The following NDUFS5 variants were observed in gnomAD, a reference collection of about 807,000 sequenced individuals.
NDUFS5 encodes NADH:ubiquinone oxidoreductase subunit S5.
A neutral mutation model predicts 10.5 loss-of-function variants in NDUFS5; 7 were observed. The ratio of observed to expected loss-of-function variants is 0.66; its 90% CI spans 0.38 to 1.25. The LOEUF (loss-of-function observed/expected upper bound fraction) is 1.25, where lower values mean the gene tolerates loss of function less well. Ranked by LOEUF, NDUFS5 falls within the 50% of genes most tolerant of loss-of-function variation. The pLI is 0.02. For synonymous variants in NDUFS5, 38 were observed against 44.0 expected (o/e 0.86, Z 0.54); for missense variants, 148 against 140.7 (o/e 1.05, Z -0.26).
intron 2 of NDUFS5, among the ~76,000 whole-genome samples, chr1:39,030,407 G>GAA (rs35007555): frequency 7.5e-6 from 1 of 133,826 alleles, no homozygotes; most frequent in East Asian, 2.3e-4. Context: ...TCCGTCTCAA[G>GAA]AAAAAAAAAA....
intron 1 of NDUFS5, among the ~76,000 whole-genome samples, chr1:39,027,341 G>A (rs1644156663): frequency 6.6e-6 from 1 of 152,142 alleles, no homozygotes; most frequent in Non-Finnish European, 1.5e-5. Context: ...CAAGGTGCTG[G>A]AATTACAGGC....
chr1:39,030,407 G>GA (rs35007555), intron 2 of NDUFS5, among the ~76,000 whole-genome samples: 35 of 133,808 alleles, frequency 2.6e-4, no homozygotes, highest in East Asian at 6.9e-4. Flanking sequence ...TCCGTCTCAA[G>GA]AAAAAAAAAA....
chr1:39,031,790 G>A (rs1644191973), intron 2 of NDUFS5, among the ~76,000 whole-genome samples: 1 of 152,166 alleles, frequency 6.6e-6, no homozygotes, highest in Admixed American at 6.6e-5. Context: ...AGAAGCTAGT[G>A]AGTCAGAATT....
In NDUFS5 at chr1:39,028,728, C is replaced by T. The variant is rs756434054; in HGVS notation, c.4C>T (p.Pro2Ser). 6.2e-7 allele frequency: 1 copy of T among 1,613,864 alleles called. No homozygotes were observed. The highest frequency in any genetic ancestry group is 8.5e-7 in the Non-Finnish European group (1 of 1,179,880). Residue 2 changes from proline (P) to serine (S), a missense_variant, in exon 2 of 3, where the codon CCT becomes TCT. Pro to Ser is a moderately conservative substitution (Grantham distance 74, BLOSUM62 -1). Transcript: ENST00000372969. Reference protein sequence around the residue: MPFLDIQKRFGL... With the variant: MSFLDIQKRFGL... Reference sequence around the variant, plus strand: ...TTTTAAATCTTCCATTACAGCCATGCCTTTCTTGGACATCCAGAAAAGGTT... The same window carrying T: ...TTTTAAATCTTCCATTACAGCCATGTCTTTCTTGGACATCCAGAAAAGGTT...
intron 2 of NDUFS5, among the ~76,000 whole-genome samples, chr1:39,030,722 G>A (rs200968415): frequency 7.8e-5 from 11 of 141,380 alleles, no homozygotes; most frequent in Admixed American, 2.2e-4. Context: ...TCTGTCTCAA[G>A]AAAAAAAAAA....
chr1:39,029,910 G>A (rs1644178012), intron 2 of NDUFS5, among the ~76,000 whole-genome samples: 2 of 152,024 alleles, frequency 1.3e-5, no homozygotes. Flanking sequence ...GGCCAAGATG[G>A]TGAAACCCTG....
At position 39,028,826 on chromosome 1, in the gene NDUFS5, TG is replaced by T; in HGVS notation, c.103del (p.Ala35LeufsTer7). ...CCTACAAGATGGCTGGTCGATGCCA[TG>T]CTTTTGAAAAAGAATGGATAGAATG... is the stretch of plus-strand genomic sequence containing the variant. ...QPYKMAGRCH[A>X]FEKEWIECAH... On this transcript the variant is annotated frameshift_variant, in exon 2 of 3. Transcript: ENST00000372969. LOFTEE classifies it high-confidence loss of function. 2 of 1,614,142 alleles carry T rather than the reference TG, an allele frequency of 1.2e-6. No homozygotes were observed. Among genetic ancestry groups the T allele is most frequent in the Non-Finnish European group, 1.7e-6 (2 of 1,180,024 alleles).
chr1:39,034,415 G>A lies in NDUFS5; in HGVS notation c.240G>A (p.Arg80=), dbSNP rs772194994. ...AGATGAGACGTGCAGGTACCATCAGGAAGCAGCGGGATAAGCTGATAAAGG... is the reference window on the plus strand; with the variant it reads ...AGATGAGACGTGCAGGTACCATCAGAAAGCAGCGGGATAAGCTGATAAAGG... ...QKTMRRAGTI[R]KQRDKLIKEG... is the part of the protein sequence containing the mutation. The change falls in exon 3 of 3, where the codon AGG becomes AGA. Residue 80 remains arginine (R), a synonymous_variant. Transcript: ENST00000372969. 5 of 1,613,386 alleles carry A rather than the reference G, an allele frequency of 3.1e-6. No individual in the cohort carries two copies. The East Asian group carries it at 1.1e-4, about 36-fold the overall frequency.
chr1:39,029,260 T>C (rs1204677498), intron 2 of NDUFS5, among the ~76,000 whole-genome samples: 1 of 152,122 alleles, frequency 6.6e-6, no homozygotes, highest in Non-Finnish European at 1.5e-5. Flanking sequence ...CCCAAAGTAG[T>C]GGGATCACAG....
rs1644214227 is a variant in NDUFS5, at chr1:39,034,408, C to T, written c.233C>T (p.Thr78Ile). 1 of 1,613,274 alleles carries T rather than the reference C, an allele frequency of 6.2e-7. No homozygotes were observed. Among genetic ancestry groups the T allele is most frequent in the Non-Finnish European group, 8.5e-7 (1 of 1,179,512 alleles). ...CTTTGACAGATGAGACGTGCAGGTA[C>T]CATCAGGAAGCAGCGGGATAAGCTG... ...LRQKTMRRAG[T>I]IRKQRDKLIK... Residue 78 changes from threonine to isoleucine, a missense_variant, in exon 3 of 3, where the codon ACC becomes ATC. Coordinates refer to ENST00000372969, the MANE Select transcript of NDUFS5 (RefSeq NM_004552.3).
At chr1:39,028,285 A>T (rs1394755989) in intron 1 of NDUFS5, among the ~76,000 whole-genome samples, 1 of 151,892 alleles carries the variant, frequency 6.6e-6, no homozygotes, top group African/African-American at 2.4e-5. Context: ...TACAAAAATT[A>T]GCTGGGCGTG....
chr1:39,027,407 A>G (rs1338766437), intron 1 of NDUFS5, among the ~76,000 whole-genome samples: 1 of 152,070 alleles, frequency 6.6e-6, no homozygotes, highest in Non-Finnish European at 1.5e-5. Context: ...GTACACATTT[A>G]TATTGATATT....
In NDUFS5 at chr1:39,034,470, A is replaced by C; in HGVS notation, c.295A>C (p.Ile99Leu). Reference sequence around the variant, plus strand: ...AAAGTACACCCCTCCACCTCACCACATTGGCAAGGGGGAGCCTCGGCCCTG... The same window carrying C: ...AAAGTACACCCCTCCACCTCACCACCTTGGCAAGGGGGAGCCTCGGCCCTG... The part of the protein sequence containing the change: ...EGKYTPPPHH[I>L]GKGEPRP Residue 99 changes from isoleucine (I) to leucine (L), a missense_variant, in exon 3 of 3, where the codon ATT becomes CTT. Transcript: ENST00000372969. The C allele has an allele frequency of 6.2e-7, 1 of 1,613,416 alleles. No homozygotes were observed. The highest frequency in any genetic ancestry group is 8.5e-7 in the Non-Finnish European group (1 of 1,179,596).
chr1:39,030,092 A>G (rs1477049386), intron 2 of NDUFS5, among the ~76,000 whole-genome samples: 2 of 148,402 alleles, frequency 1.3e-5, no homozygotes, highest in Admixed American at 1.3e-4. Context: ...CTCTGCCTCT[A>G]AAAAAAAAAC....
chr1:39,034,606 C>T lies in NDUFS5; in HGVS notation c.*110C>T, dbSNP rs1644216274. 1.2e-6 allele frequency: 1 copy of T among 858,038 alleles called. No homozygotes were observed. The highest frequency in any genetic ancestry group is 1.9e-6 in the Non-Finnish European group (1 of 522,672). The allele number at this position is 858,038 out of a possible 1,614,324, so 53.2% of individuals were successfully genotyped here. A position where few individuals can be genotyped will look rare whatever the true frequency, so the allele number is the denominator to read the frequency against. On this transcript the variant is annotated 3_prime_UTR_variant, in exon 3 of 3. Coordinates refer to ENST00000372969, the MANE Select transcript of NDUFS5 (RefSeq NM_004552.3). ...CAAAGTGTGTAAAAATAAAGGATTG[C>T]TCCATCCTATTTGTTCTATTTTCTC...
intron 2 of NDUFS5, among the ~76,000 whole-genome samples, chr1:39,032,464 A>T (rs899066881): frequency 5.3e-5 from 8 of 152,188 alleles, no homozygotes; most frequent in African/African-American, 1.9e-4. Context: ...AAGTTATATC[A>T]ACACTACTTC....
At chr1:39,032,666 A>G (rs940533515) in intron 2 of NDUFS5, among the ~76,000 whole-genome samples, 2 of 152,188 alleles carry the variant, frequency 1.3e-5, no homozygotes, top group African/African-American at 4.8e-5. Context: ...GAAAAATAAC[A>G]AGTAAAAATA....
At chr1:39,033,509 G>A (rs1048991116) in intron 2 of NDUFS5, among the ~76,000 whole-genome samples, 22 of 149,236 alleles carry the variant, frequency 1.5e-4, no homozygotes, top group African/African-American at 5.4e-4. Flanking sequence ...GGAGGCGGAG[G>A]TTGCAGTGAG....
At chr1:39,026,711 C>G (rs1189432129) in intron 1 of NDUFS5, among the ~76,000 whole-genome samples, 2 of 152,248 alleles carry the variant, frequency 1.3e-5, no homozygotes, top group Non-Finnish European at 2.9e-5. Flanking sequence ...TCGGCCCCGC[C>G]GGCCTCCTGA....
Sources: gnomAD v4.1 joint callset for allele counts (sites outside exome capture counted in the v4.1 genomes callset) on GRCh38, gnomAD v4.1.1 for gene constraint, MANE v1.5 for transcripts, NCBI Gene and HGNC (gene_info 2026-07-23, HGNC 2026-07-21) for gene names.